Variants in RSPO2 observed in about 807,000 individuals in gnomAD.
RSPO2 encodes R-spondin-2.
In RSPO2, 14 loss-of-function variants were observed where a neutral mutation model predicts 30.9. The ratio of observed to expected loss-of-function variants is 0.45; its 90% CI spans 0.30 to 0.71. The LOEUF (loss-of-function observed/expected upper bound fraction) is 0.71. RSPO2 is among the 30% of genes least tolerant of loss of function. The pLI is 0.08. For synonymous variants in RSPO2, 107 were observed against 96.4 expected (o/e 1.11, Z -0.64); for missense variants, 264 against 301.9 (o/e 0.87, Z 0.93).
At chr8:107,929,471 A>G (rs1232587902) in intron 5 of RSPO2, among the ~76,000 whole-genome samples, 2 of 152,170 alleles carry the variant, frequency 1.3e-5, no homozygotes, top group East Asian at 3.9e-4. Context: ...CAAGCTTTAA[A>G]TACACGAACT....
At chr8:107,947,444 A>C (rs1586568591) in intron 5 of RSPO2, among the ~76,000 whole-genome samples, 1 of 152,274 alleles carries the variant, frequency 6.6e-6, no homozygotes, top group Non-Finnish European at 1.5e-5. Context: ...AAAAAGAAAA[A>C]ACTGTACAAA....
intron 5 of RSPO2, among the ~76,000 whole-genome samples, chr8:107,906,400 T>TTTTAGAAATAGC (rs1811647034): frequency 6.6e-6 from 1 of 150,866 alleles, no homozygotes; most frequent in East Asian, 1.9e-4. Flanking sequence ...TATATTTTTA[T>TTTTAGAAATAGC]ATTTTATATT....
intron 5 of RSPO2, among the ~76,000 whole-genome samples, chr8:107,924,847 CACAA>C (rs1309057126): frequency 1.5e-5 from 2 of 133,894 alleles, no homozygotes; most frequent in Non-Finnish European, 3.4e-5. Flanking sequence ...CACACACACA[CACAA>C]AATAAGTTCT....
intron 5 of RSPO2, among the ~76,000 whole-genome samples, chr8:107,955,476 A>C (rs1392970189): frequency 6.6e-6 from 1 of 152,124 alleles, no homozygotes. Context: ...AAAACAAGAC[A>C]ACTGATCTAA....
At position 107,998,245 on chromosome 8, in the gene RSPO2, A is replaced by G. The variant is rs1321676470; in HGVS notation, c.95-9001T>C. Among the ~76,000 whole-genome samples the G allele has an allele frequency of 2.6e-5, 4 of 151,868 alleles. No individual in the cohort carries two copies. The East Asian group carries it at 5.8e-4, about 22-fold the overall frequency. On this transcript the variant is annotated intron_variant, in intron 2 of 5. Coordinates refer to ENST00000276659, the MANE Select transcript of RSPO2 (RefSeq NM_178565.5). ...AGCAGGATTGAGAGAGGTAGGGGGG[A>G]AACCCAACTCTGGCACCAATAACAG...
intron 5 of RSPO2, among the ~76,000 whole-genome samples, chr8:107,915,386 C>T (rs887497470): frequency 2.6e-5 from 4 of 151,986 alleles, no homozygotes; most frequent in East Asian, 3.9e-4. Flanking sequence ...TCTGTAGCAC[C>T]GTGGTGGGGT....
chr8:108,005,191 T>C (rs1425063199), intron 2 of RSPO2, among the ~76,000 whole-genome samples: 3 of 152,196 alleles, frequency 2.0e-5, no homozygotes, highest in South Asian at 4.1e-4. Flanking sequence ...TGCATCATCT[T>C]AAGAGGCACA....
At chr8:108,028,493 A>T (rs1811296981) in intron 2 of RSPO2, among the ~76,000 whole-genome samples, 1 of 152,274 alleles carries the variant, frequency 6.6e-6, no homozygotes, top group African/African-American at 2.4e-5. Context: ...CTGTTCACAC[A>T]TTATTCACAT....
intron 2 of RSPO2, among the ~76,000 whole-genome samples, chr8:108,009,488 G>A (rs1320712398): frequency 6.6e-6 from 1 of 152,104 alleles, no homozygotes; most frequent in East Asian, 1.9e-4. Context: ...AGAATGGGGG[G>A]TAGATTATAA....
At chr8:107,933,802 T>TA (rs1229463868) in intron 5 of RSPO2, among the ~76,000 whole-genome samples, 1 of 152,178 alleles carries the variant, frequency 6.6e-6, no homozygotes, top group Non-Finnish European at 1.5e-5. Context: ...ATCTAAAAAT[T>TA]AAAGACCTTG....
At chr8:107,942,963 A>G (rs995297912) in intron 5 of RSPO2, among the ~76,000 whole-genome samples, 4 of 152,250 alleles carry the variant, frequency 2.6e-5, no homozygotes, top group Admixed American at 2.6e-4. Context: ...AAAGCCAAAT[A>G]AAGTTGGGCT....
intron 2 of RSPO2, among the ~76,000 whole-genome samples, chr8:108,037,848 G>T (rs1412701654): frequency 6.6e-6 from 1 of 152,118 alleles, no homozygotes; most frequent in Non-Finnish European, 1.5e-5. Flanking sequence ...GTTTACTGAA[G>T]GTTTTAAGCC....
chr8:108,021,302 A>T (rs1020424777), intron 2 of RSPO2, among the ~76,000 whole-genome samples: 2 of 152,236 alleles, frequency 1.3e-5, no homozygotes, highest in African/African-American at 2.4e-5. Flanking sequence ...ATGTAAATAA[A>T]TGAACTTTTT....
chr8:108,009,220 A>G (rs1810612004), intron 2 of RSPO2, among the ~76,000 whole-genome samples: 1 of 152,218 alleles, frequency 6.6e-6, no homozygotes, highest in Admixed American at 6.5e-5. Context: ...TATTACTTCT[A>G]TGAAATATGA....
intron 2 of RSPO2, among the ~76,000 whole-genome samples, chr8:108,011,672 G>A (rs765004728): frequency 6.6e-6 from 1 of 152,274 alleles, no homozygotes; most frequent in Admixed American, 6.5e-5. Flanking sequence ...TTAAATCCAT[G>A]ACTTACCTAA....
At chr8:107,901,239 T>C (rs2130236081) in intron 5 of RSPO2, 49 bp from the exon 6 acceptor site, 4 of 1,549,726 alleles carry the variant, frequency 2.6e-6, no homozygotes, top group Non-Finnish European at 3.5e-6. Flanking sequence ...GCTCTTTCTC[T>C]AGGAAAGAAA....
chr8:108,065,589 G>A (rs1242678465), intron 2 of RSPO2, among the ~76,000 whole-genome samples: 6 of 149,154 alleles, frequency 4.0e-5, no homozygotes, highest in Non-Finnish European at 5.9e-5. Context: ...AATGAGCTAA[G>A]TTTTTAAATG....
At chr8:108,029,388 C>A (rs1811342655) in intron 2 of RSPO2, among the ~76,000 whole-genome samples, 1 of 152,012 alleles carries the variant, frequency 6.6e-6, no homozygotes, top group African/African-American at 2.4e-5. Context: ...TTGCTAACAC[C>A]TAGCACATAA....
chr8:108,065,661 A>T (rs1301142446), intron 2 of RSPO2, among the ~76,000 whole-genome samples: 78 of 74,324 alleles, frequency 1.0e-3, no homozygotes, highest in African/African-American at 5.5e-3. Context: ...AGAAGGAATA[A>T]AAAAAAAAAA....
Sources: gnomAD v4.1 joint callset for allele counts (sites outside exome capture counted in the v4.1 genomes callset) on GRCh38, gnomAD v4.1.1 for gene constraint, MANE v1.5 for transcripts, NCBI Gene and HGNC (gene_info 2026-07-23, HGNC 2026-07-21) for gene names.